THSD4: variants seen among roughly 807,000 people sequenced by gnomAD.
THSD4 encodes thrombospondin type-1 domain-containing protein 4.
Under a neutral mutation model 119.0 loss-of-function variants are expected in THSD4, and 69 were observed. The observed-to-expected ratio is 0.58, with a 90% CI of 0.48 to 0.71. The LOEUF (loss-of-function observed/expected upper bound fraction) is 0.71. Ranked by LOEUF, THSD4 falls within the 30% of genes least tolerant of loss-of-function variation. The pLI is 0.00. For synonymous variants in THSD4, 524 were observed against 540.4 expected (o/e 0.97, Z 0.42); for missense variants, 1,393 against 1,391.1 (o/e 1.00, Z -0.02).
At chr15:71,314,103 C>T (rs529311293) in intron 6 of THSD4, among the ~76,000 whole-genome samples, 9 of 152,114 alleles carry the variant, frequency 5.9e-5, no homozygotes, top group African/African-American at 2.2e-4. Flanking sequence ...AAGTGTTTCT[C>T]AGTGAGTTGG....
At chr15:71,423,072 C>T (rs1233949025) in intron 7 of THSD4, among the ~76,000 whole-genome samples, 1 of 152,264 alleles carries the variant, frequency 6.6e-6, no homozygotes, top group East Asian at 1.9e-4. Flanking sequence ...ACCTGGGACC[C>T]ACCCTTTAGA....
At chr15:71,195,780 G>T (rs1567153487) in intron 3 of THSD4, among the ~76,000 whole-genome samples, 2 of 152,044 alleles carry the variant, frequency 1.3e-5, no homozygotes. Context: ...AGACCACCTG[G>T]GAGTCATAAT....
chr15:71,494,162 T>A (rs1475100600), intron 7 of THSD4, among the ~76,000 whole-genome samples: 2 of 152,204 alleles, frequency 1.3e-5, no homozygotes, highest in African/African-American at 4.8e-5. Flanking sequence ...CCTTTGTAAG[T>A]GAAAAAATTT....
chr15:71,534,571 G>C (rs2048663515), intron 7 of THSD4, among the ~76,000 whole-genome samples: 1 of 152,024 alleles, frequency 6.6e-6, no homozygotes, highest in African/African-American at 2.4e-5. Flanking sequence ...TCTGCTCACT[G>C]TAAAAACAAT....
Position 71,383,223 on chromosome 15 carries a change from G to A in THSD4, c.1016-28464G>A, listed in dbSNP as rs574803116. On this transcript the variant is annotated intron_variant, in intron 6 of 17. Transcript: ENST00000261862. The stretch of plus-strand genomic sequence containing the variant: ...TGGGGGACCAGCAGGGGTCCCCCTC[G>A]TCTGTCCAGCCTTTGGTAGATTTGG... Among the ~76,000 whole-genome samples the A allele has an allele frequency of 3.7e-4, 56 of 152,274 alleles. 1 individual carries two copies. Among genetic ancestry groups the A allele is most frequent in the South Asian group, 2.7e-3 (13 of 4,828 alleles).
intron 7 of THSD4, among the ~76,000 whole-genome samples, chr15:71,505,215 G>GGTAGTACA (rs2048169722): frequency 6.6e-6 from 1 of 152,162 alleles, no homozygotes; most frequent in Admixed American, 6.5e-5. Context: ...GATTACACTA[G>GGTAGTACA]GTAGTACAGA....
In THSD4 at chr15:71,737,790, G is replaced by GA; in HGVS notation, c.1692dup (p.Gly565ArgfsTer15). 6.2e-7 allele frequency: 1 copy of GA among 1,614,214 alleles called. No individual in the cohort carries two copies. The highest frequency in any genetic ancestry group is 8.5e-7 in the Non-Finnish European group (1 of 1,180,006). On this transcript the variant is annotated frameshift_variant, in exon 11 of 18. Coordinates refer to ENST00000261862, the MANE Select transcript of THSD4 (RefSeq NM_024817.3). LOFTEE classifies it high-confidence loss of function. ...GCAGGAGCCAGGAGGAGGGAGAACA[G>GA]AAAGGGAGGAACGAGGAGAAGGAAG...
intron 8 of THSD4, among the ~76,000 whole-genome samples, chr15:71,671,860 A>T (rs905801677): frequency 2.0e-5 from 3 of 152,216 alleles, no homozygotes; most frequent in Admixed American, 2.0e-4. Context: ...TTTTGGTACC[A>T]GTACCATGCT....
chr15:71,724,690 G>A (rs2052801605), intron 8 of THSD4, among the ~76,000 whole-genome samples: 1 of 152,160 alleles, frequency 6.6e-6, no homozygotes, highest in South Asian at 2.1e-4. Flanking sequence ...AGAGAAACAG[G>A]AAGATCAATT....
chr15:71,110,244 T>A (rs2040293591), intron 1 of THSD4: 2 of 152,254 alleles, frequency 1.3e-5, no homozygotes, highest in African/African-American at 4.8e-5. Context: ...ACGCAGGATA[T>A]TCTTTCAGAA....
chr15:71,173,692 C>G (rs573828845), intron 3 of THSD4, among the ~76,000 whole-genome samples: 1 of 151,678 alleles, frequency 6.6e-6, no homozygotes, highest in Non-Finnish European at 1.5e-5. Context: ...TATGGAGTCT[C>G]AAAGGACCCC....
At chr15:71,246,105 C>G (rs4777347) in intron 5 of THSD4, among the ~76,000 whole-genome samples, 1 of 151,428 alleles carries the variant, frequency 6.6e-6, no homozygotes, top group Admixed American at 6.6e-5. Flanking sequence ...CACGGAGGAA[C>G]TGAGTTTCCT....
intron 10 of THSD4, among the ~76,000 whole-genome samples, chr15:71,734,531 AG>A (rs1260455917): frequency 6.6e-6 from 1 of 152,198 alleles, no homozygotes; most frequent in East Asian, 1.9e-4. Flanking sequence ...GGAGGATTTC[AG>A]GGCGGTGAAA....
intron 7 of THSD4, among the ~76,000 whole-genome samples, chr15:71,658,275 C>A (rs2051230154): frequency 6.6e-6 from 1 of 152,206 alleles, no homozygotes; most frequent in Admixed American, 6.5e-5. Flanking sequence ...CTCGTATTAT[C>A]CCTCCCAGCA....
chr15:71,501,474 C>T (rs1253952167), intron 7 of THSD4, among the ~76,000 whole-genome samples: 1 of 152,204 alleles, frequency 6.6e-6, no homozygotes, highest in Non-Finnish European at 1.5e-5. Context: ...TCTCCCCTCC[C>T]TTTCTGTTCT....
intron 7 of THSD4, among the ~76,000 whole-genome samples, chr15:71,627,393 G>A (rs1241702620): frequency 6.6e-6 from 1 of 152,144 alleles, no homozygotes; most frequent in East Asian, 1.9e-4. Flanking sequence ...GGCATCAAAG[G>A]GCCAGTGCTA....
At chr15:71,615,715 C>G (rs1357418941) in intron 7 of THSD4, among the ~76,000 whole-genome samples, 1 of 152,144 alleles carries the variant, frequency 6.6e-6, no homozygotes, top group Non-Finnish European at 1.5e-5. Context: ...GGAAATTGCT[C>G]TTCACATGAG....
At chr15:71,193,219 C>T (rs989312862) in intron 3 of THSD4, among the ~76,000 whole-genome samples, 6 of 152,106 alleles carry the variant, frequency 3.9e-5, no homozygotes, top group East Asian at 3.9e-4. Context: ...TCTTACTGGG[C>T]GTCCACACTC....
At chr15:71,474,411 C>T (rs979003716) in intron 7 of THSD4, among the ~76,000 whole-genome samples, 9 of 151,858 alleles carry the variant, frequency 5.9e-5, no homozygotes, top group African/African-American at 1.9e-4. Flanking sequence ...TTAGTAGAGG[C>T]GGAGTTTCAC....
Sources: gnomAD v4.1 joint callset for allele counts (sites outside exome capture counted in the v4.1 genomes callset) on GRCh38, gnomAD v4.1.1 for gene constraint, MANE v1.5 for transcripts, NCBI Gene and HGNC (gene_info 2026-07-23, HGNC 2026-07-21) for gene names.